Variants in OSBPL10 observed in about 807,000 individuals in gnomAD.
OSBPL10 encodes oxysterol-binding protein-related protein 10.
A neutral mutation model predicts 81.7 loss-of-function variants in OSBPL10; 49 were observed. The observed-to-expected ratio is 0.60, with a 90% CI of 0.48 to 0.76. The LOEUF is 0.76. Ranked by LOEUF, OSBPL10 falls within the 30% of genes least tolerant of loss-of-function variation. The probability of loss-of-function intolerance (pLI) is 0.00; values close to 1 mark genes in which losing one functional copy is unlikely to be tolerated. For synonymous variants in OSBPL10, 419 were observed against 383.6 expected (o/e 1.09, Z -1.08); for missense variants, 923 against 987.8 (o/e 0.93, Z 0.88).
At chr3:32,012,518 G>A (rs1257691202) in intron 2 of OSBPL10, among the ~76,000 whole-genome samples, 1 of 152,084 alleles carries the variant, frequency 6.6e-6, no homozygotes, top group Non-Finnish European at 1.5e-5. Context: ...TCGATGCTAG[G>A]AAGAAACTGC....
chr3:31,906,793 T>TAC (rs1696419672), intron 1 of OSBPL10: 1 of 152,238 alleles, frequency 6.6e-6, no homozygotes, highest in Non-Finnish European at 1.5e-5. Context: ...AAAGAGGTTG[T>TAC]ACCTGGTGAT....
chr3:31,737,568 A>G (rs1697218739), intron 5 of OSBPL10, among the ~76,000 whole-genome samples: 1 of 152,232 alleles, frequency 6.6e-6, no homozygotes, highest in Non-Finnish European at 1.5e-5. Flanking sequence ...TAGTAGAATT[A>G]AAATTAAAAC....
In OSBPL10 at chr3:31,965,644, AATTATAT is replaced by A. The variant is rs1307570899; in HGVS notation, c.281+15248_281+15254del. ...TATATATTATATAATATATTATATA[AATTATAT>A]ATTATATATTATATATTTTATATAA... On this transcript the variant is annotated intron_variant, in intron 1 of 11. Transcript: ENST00000396556. Among the ~76,000 whole-genome samples the A allele has an allele frequency of 2.2e-3, 135 of 61,758 alleles. 2 individuals carry two copies. Among genetic ancestry groups the A allele is most frequent in the Non-Finnish European group, 3.0e-3 (115 of 38,610 alleles). 40.5% of individuals were successfully genotyped at this position (61,758 alleles called of 152,430 possible).
At chr3:31,877,884 T>C (rs888457074) in intron 2 of OSBPL10, among the ~76,000 whole-genome samples, 11 of 152,166 alleles carry the variant, frequency 7.2e-5, no homozygotes, top group African/African-American at 2.4e-4. Flanking sequence ...ACTTGAAGAA[T>C]TGCCAGTTTG....
rs71097447 is a variant in OSBPL10 at position 31,822,913 on chromosome 3, T to TAA, written c.729+7125_729+7126dup. ...TCCAACAGAGTGAGACCCCCAACTC[T>TAA]AAAAAAAAAAAAAAAGTTAAAATAG... On this transcript the variant is annotated intron_variant, in intron 4 of 11. Transcript: ENST00000396556. 4.7e-3 allele frequency among the ~76,000 whole-genome samples: 422 copies of TAA among 89,094 alleles called. 12 individuals are homozygous for TAA. Among genetic ancestry groups the TAA allele is most frequent in the African/African-American group, 0.016 (401 of 25,466 alleles). The allele number at this position is 89,094 out of a possible 152,430, so 58.4% of individuals were successfully genotyped here.
intron 4 of OSBPL10, among the ~76,000 whole-genome samples, chr3:31,822,881 T>C (rs1700011752): frequency 1.6e-5 from 2 of 121,808 alleles, no homozygotes; most frequent in Non-Finnish European, 3.2e-5. Context: ...TCTGCTATAC[T>C]CCAGCCTCCA....
At chr3:32,009,079 G>C (rs190331774) in intron 2 of OSBPL10, among the ~76,000 whole-genome samples, 1 of 152,280 alleles carries the variant, frequency 6.6e-6, no homozygotes, top group African/African-American at 2.4e-5. Flanking sequence ...GAACAGGTTT[G>C]TGTTTTTACA....
intron 1 of OSBPL10, among the ~76,000 whole-genome samples, chr3:31,925,146 A>G (rs74345133): frequency 0.068 from 10,278 of 152,206 alleles, 461 homozygotes; most frequent in East Asian, 0.18. Context: ...TGGGAGCAGC[A>G]TTCAACATAT....
chr3:31,928,395 T>C (rs1404336811), intron 1 of OSBPL10, among the ~76,000 whole-genome samples: 2 of 152,114 alleles, frequency 1.3e-5, no homozygotes, highest in Non-Finnish European at 2.9e-5. Flanking sequence ...AAACAGTAAT[T>C]ATTGTGTGTG....
chr3:31,990,943 T>C lies in OSBPL10; in HGVS notation n.298+55548A>G, dbSNP rs763938137. 4 of 1,575,982 alleles carry C rather than the reference T, an allele frequency of 2.5e-6. No homozygotes were observed. The highest frequency in any genetic ancestry group is 3.4e-6 in the Non-Finnish European group (4 of 1,159,580). On this transcript the variant is annotated intron_variant and non_coding_transcript_variant, in intron 2 of 3. Coordinates refer to the OSBPL10 transcript ENST00000479173. ...GAGAATCCATACCGGACAGAAATCTTACAAATGTCATAAGCGTGGCAAGGT... is the reference window on the plus strand; with the variant it reads ...GAGAATCCATACCGGACAGAAATCTCACAAATGTCATAAGCGTGGCAAGGT...
At chr3:31,792,467 CAATT>C (rs1699039490) in intron 4 of OSBPL10, among the ~76,000 whole-genome samples, 1 of 152,170 alleles carries the variant, frequency 6.6e-6, no homozygotes, top group Non-Finnish European at 1.5e-5. Context: ...ACATTGGCGA[CAATT>C]AAAAGGCTCC....
chr3:31,713,081 G>C (rs1324605998), intron 6 of OSBPL10, among the ~76,000 whole-genome samples: 1 of 152,204 alleles, frequency 6.6e-6, no homozygotes, highest in Admixed American at 6.5e-5. Flanking sequence ...CCTCACAGTA[G>C]CTAGAAGGCA....
chr3:31,809,417 G>A (rs1699610885), intron 4 of OSBPL10, among the ~76,000 whole-genome samples: 2 of 152,196 alleles, frequency 1.3e-5, no homozygotes, highest in African/African-American at 2.4e-5. Flanking sequence ...AAATGCTCCT[G>A]AGGAACACAA....
At chr3:32,014,609 G>A (rs1003729611) in intron 2 of OSBPL10, among the ~76,000 whole-genome samples, 4 of 152,162 alleles carry the variant, frequency 2.6e-5, no homozygotes, top group African/African-American at 7.2e-5. Context: ...AATCAGGCAG[G>A]AAAAGGAAAT....
chr3:31,980,761 C>T, intron 1 of OSBPL10, 138 bp downstream of exon 1: 2 of 1,151,846 alleles, frequency 1.7e-6, no homozygotes, highest in South Asian at 4.1e-5. Context: ...GGAAGGGCAC[C>T]GTTGGGAGGC....
intron 1 of OSBPL10, among the ~76,000 whole-genome samples, chr3:31,905,345 A>T (rs1288680421): frequency 7.7e-4 from 73 of 94,788 alleles, no homozygotes; most frequent in East Asian, 3.1e-3. Context: ...GAACCTGGTG[A>T]TTTTTTTTTT....
At chr3:32,014,440 G>A (rs1186252893) in intron 2 of OSBPL10, among the ~76,000 whole-genome samples, 1 of 152,130 alleles carries the variant, frequency 6.6e-6, no homozygotes, top group Non-Finnish European at 1.5e-5. Flanking sequence ...TCGATGGGAT[G>A]TATCTTAAAA....
chr3:31,981,273 C>T (rs1415275629), upstream of OSBPL10: 31 of 1,297,436 alleles, frequency 2.4e-5, no homozygotes, highest in East Asian at 1.6e-4. This position sits in a 1 kb window ranked among gnomAD's most constrained non-coding sequence, Gnocchi z 4.5. Context: ...GCCCGGGCCG[C>T]GCGTGCCTGC....
intron 3 of OSBPL10, among the ~76,000 whole-genome samples, chr3:31,855,019 G>GCTTTGT (rs1700875174): frequency 6.6e-6 from 1 of 151,796 alleles, no homozygotes; most frequent in South Asian, 2.1e-4. Flanking sequence ...GTTTTGTTTT[G>GCTTTGT]TTTTGTTTTT....
Sources: gnomAD v4.1 joint callset for allele counts (sites outside exome capture counted in the v4.1 genomes callset) on GRCh38, gnomAD v4.1.1 for gene constraint, Gnocchi (gnomAD v3.1) non-coding constraint, MANE v1.5 for transcripts, NCBI Gene and HGNC (gene_info 2026-07-23, HGNC 2026-07-21) for gene names.